Variants in CDK5RAP2 observed in about 807,000 individuals in gnomAD.
CDK5RAP2 encodes CDK5 regulatory subunit-associated protein 2.
A neutral mutation model predicts 232.9 loss-of-function variants in CDK5RAP2; 147 were observed. That is an observed-to-expected ratio of 0.63 (90% confidence interval 0.55 to 0.72). The LOEUF (loss-of-function observed/expected upper bound fraction) is 0.72, where lower values mean the gene tolerates loss of function less well. Among genes scored for constraint, CDK5RAP2 ranks in the 30% least tolerant of loss-of-function variants. The pLI, the probability that CDK5RAP2 is intolerant of heterozygous loss-of-function variation, is 0.00. For missense variants in CDK5RAP2, 2,195 were observed against 2,231.5 expected, an observed-to-expected ratio of 0.98 and a Z score of 0.33; for synonymous variants, 833 against 833.7, an observed-to-expected ratio of 1.00 and a Z score of 0.01.
chr9:120,402,832 A>T lies in CDK5RAP2; in HGVS notation c.5281T>A (p.Ser1761Thr). 6.2e-7 allele frequency: 1 copy of T among 1,613,982 alleles called. No individual in the cohort carries two copies. Among genetic ancestry groups the T allele is most frequent in the Non-Finnish European group, 8.5e-7 (1 of 1,180,016 alleles). ...TTTGTTCCCAGCTCTTGACTTGTGGAGCTGGGAGCCTCTTGGGTTTGAATG... is the reference window on the plus strand; with the variant it reads ...TTTGTTCCCAGCTCTTGACTTGTGGTGCTGGGAGCCTCTTGGGTTTGAATG... ...MDIQTQEAPS[S>T]TSQELGTKGP... The change falls in exon 34 of 38, where the codon TCC becomes ACC. Residue 1761 changes from serine (S) to threonine (T), a missense_variant. Coordinates refer to ENST00000349780, the MANE Select transcript of CDK5RAP2 (RefSeq NM_018249.6).
At chr9:120,501,546 C>G (rs1430166670) in intron 12 of CDK5RAP2, among the ~76,000 whole-genome samples, 1 of 152,200 alleles carries the variant, frequency 6.6e-6, no homozygotes, top group Non-Finnish European at 1.5e-5. Flanking sequence ...TAAACATAGC[C>G]ATAAATTATT....
intron 23 of CDK5RAP2, among the ~76,000 whole-genome samples, chr9:120,441,829 A>G (rs2035915371): frequency 6.6e-6 from 1 of 152,232 alleles, no homozygotes; most frequent in Non-Finnish European, 1.5e-5. Context: ...TAATTACTCA[A>G]TAAGAGCCTT....
At chr9:120,405,968 T>TA (rs1420877732) in intron 32 of CDK5RAP2, among the ~76,000 whole-genome samples, 1 of 152,136 alleles carries the variant, frequency 6.6e-6, no homozygotes, top group East Asian at 1.9e-4. Context: ...AATGAAAAAA[T>TA]ATGCAAATTT....
At chr9:120,552,397 T>C (rs1028998940) in intron 3 of CDK5RAP2, among the ~76,000 whole-genome samples, 29 of 152,240 alleles carry the variant, frequency 1.9e-4, no homozygotes, top group African/African-American at 6.3e-4. Flanking sequence ...CGCACACGTA[T>C]GTTCACTGCA....
At chr9:120,503,856 A>C (rs1324013757) in intron 12 of CDK5RAP2, among the ~76,000 whole-genome samples, 1 of 151,882 alleles carries the variant, frequency 6.6e-6, no homozygotes, top group African/African-American at 2.4e-5. Flanking sequence ...CACCACCACC[A>C]CCACCCCACA....
intron 1 of CDK5RAP2, among the ~76,000 whole-genome samples, chr9:120,579,120 G>C (rs2043148166): frequency 6.6e-6 from 1 of 152,142 alleles, no homozygotes; most frequent in Non-Finnish European, 1.5e-5. Context: ...ACCAGCAATG[G>C]GGACTCCCAC....
At chr9:120,495,608 T>C (rs1482344047) in intron 12 of CDK5RAP2, among the ~76,000 whole-genome samples, 1 of 88,884 alleles carries the variant, frequency 1.1e-5, no homozygotes, top group Non-Finnish European at 2.2e-5. Flanking sequence ...ATCTGGGAAG[T>C]GAGGAGCGTC....
At chr9:120,578,199 G>A (rs1175447683) in intron 1 of CDK5RAP2, among the ~76,000 whole-genome samples, 3 of 152,128 alleles carry the variant, frequency 2.0e-5, no homozygotes, top group East Asian at 1.9e-4. Flanking sequence ...CCCGGGAGGC[G>A]GAGGTTGAAG....
intron 18 of CDK5RAP2, among the ~76,000 whole-genome samples, chr9:120,466,264 AC>A (rs889996918): frequency 2.3e-4 from 35 of 151,242 alleles, no homozygotes; most frequent in African/African-American, 8.3e-4. Context: ...AACCACGCAT[AC>A]TCCCAGAGAA....
intron 3 of CDK5RAP2, among the ~76,000 whole-genome samples, chr9:120,564,712 T>G (rs7045249): frequency 6.6e-6 from 1 of 152,026 alleles, no homozygotes; most frequent in Non-Finnish European, 1.5e-5. Flanking sequence ...TGGAAAGTTA[T>G]CCATGTCATT....
intron 12 of CDK5RAP2, among the ~76,000 whole-genome samples, chr9:120,495,957 C>T (rs2039196721): frequency 2.3e-5 from 3 of 131,868 alleles, no homozygotes; most frequent in African/African-American, 8.7e-5. Flanking sequence ...ACCCGGCCAG[C>T]CGCCCCGTCC....
chr9:120,416,690 G>T (rs2034241918), intron 27 of CDK5RAP2, among the ~76,000 whole-genome samples: 1 of 152,106 alleles, frequency 6.6e-6, no homozygotes. Flanking sequence ...CCAATCCAGG[G>T]GTAGGTTTCT....
intron 25 of CDK5RAP2, among the ~76,000 whole-genome samples, chr9:120,432,444 T>C (rs1247010415): frequency 6.6e-6 from 1 of 152,218 alleles, no homozygotes; most frequent in Non-Finnish European, 1.5e-5. Context: ...TTAAAGGCTA[T>C]ATTTAAATTT....
Position 120,437,338 on chromosome 9 carries a change from T to C in CDK5RAP2, c.3912A>G (p.Gln1304=), listed in dbSNP as rs1564213593. Residue 1304 remains glutamine, a synonymous_variant, in exon 25 of 38, where the codon CAA becomes CAG. Coordinates refer to ENST00000349780, the MANE Select transcript of CDK5RAP2 (RefSeq NM_018249.6). ...VAEGFQEQLN[Q]CAELLEKLEK... is the part of the protein sequence containing the mutation. ...CCAATTTCTCCAGCAGCTCAGCACATTGATTCAGCTGTTCCTGGAAACCCT... is the reference window on the plus strand; with the variant it reads ...CCAATTTCTCCAGCAGCTCAGCACACTGATTCAGCTGTTCCTGGAAACCCT... 6 of 1,614,090 alleles carry C rather than the reference T, an allele frequency of 3.7e-6. No individual in the cohort carries two copies. The highest frequency in any genetic ancestry group is 5.1e-6 in the Non-Finnish European group (6 of 1,179,990).
chr9:120,453,104 G>T (rs942653862), intron 21 of CDK5RAP2, among the ~76,000 whole-genome samples: 1 of 152,194 alleles, frequency 6.6e-6, no homozygotes, highest in Admixed American at 6.5e-5. Context: ...CCATTACAAG[G>T]AAAGATGTTC....
At chr9:120,421,077 G>A (rs993162445) in intron 26 of CDK5RAP2, among the ~76,000 whole-genome samples, 3 of 152,088 alleles carry the variant, frequency 2.0e-5, no homozygotes, top group African/African-American at 4.8e-5. Flanking sequence ...ACCTTCCTTC[G>A]AAGACTCCCT....
At chr9:120,468,401 C>G (rs528374273) in intron 17 of CDK5RAP2, among the ~76,000 whole-genome samples, 2 of 152,284 alleles carry the variant, frequency 1.3e-5, no homozygotes, top group African/African-American at 4.8e-5. Flanking sequence ...GAAAAGTCTC[C>G]CAAGGCGAAA....
At chr9:120,534,683 T>C (rs1385080696) in intron 7 of CDK5RAP2, among the ~76,000 whole-genome samples, 1 of 152,252 alleles carries the variant, frequency 6.6e-6, no homozygotes, top group Non-Finnish European at 1.5e-5. Flanking sequence ...ATTCATTCTG[T>C]CCCAGGACCT....
At chr9:120,436,653 GATA>G (rs2035598466) in intron 25 of CDK5RAP2, among the ~76,000 whole-genome samples, 1 of 152,096 alleles carries the variant, frequency 6.6e-6, no homozygotes. Flanking sequence ...AGCTCAGAAA[GATA>G]ATAATAGAGC....
Sources: gnomAD v4.1 joint callset for allele counts (sites outside exome capture counted in the v4.1 genomes callset) on GRCh38, gnomAD v4.1.1 for gene constraint, MANE v1.5 for transcripts, NCBI Gene and HGNC (gene_info 2026-07-23, HGNC 2026-07-21) for gene names.